The following MARCHF1 variants were observed in gnomAD, a reference collection of about 807,000 sequenced individuals.
The protein encoded by MARCHF1 is membrane associated ring-CH-type finger 1.
MARCHF1 carries 40 observed loss-of-function variants against 54.2 expected under a neutral mutation model. The ratio of observed to expected loss-of-function variants is 0.74; its 90% CI spans 0.57 to 0.96. The LOEUF (loss-of-function observed/expected upper bound fraction) is 0.96, where lower values mean the gene tolerates loss of function less well. MARCHF1 is among the 40% of genes least tolerant of loss of function. MARCHF1 has a pLI of 0.00. For synonymous variants in MARCHF1, 236 were observed against 236.3 expected, an observed-to-expected ratio of 1.00 and a Z score of 0.01; for missense variants, 586 against 656.5, an observed-to-expected ratio of 0.89 and a Z score of 1.17.
At chr4:163,573,295 CTTATTATTA>C (rs34017689) in intron 8 of MARCHF1, among the ~76,000 whole-genome samples, 5,781 of 144,320 alleles carry the variant, frequency 0.04, 331 homozygotes, top group African/African-American at 0.13. Flanking sequence ...TGCTTTTTCT[CTTATTATTA>C]TTATTATTAT....
At chr4:163,649,342 T>C (rs1742880906) in intron 5 of MARCHF1, among the ~76,000 whole-genome samples, 2 of 152,048 alleles carry the variant, frequency 1.3e-5, no homozygotes, top group East Asian at 3.9e-4. Context: ...CAGGAATGCC[T>C]AATGGTACAA....
chr4:163,683,982 A>ATCTC (rs144138838), intron 5 of MARCHF1, among the ~76,000 whole-genome samples: 1 of 151,370 alleles, frequency 6.6e-6, no homozygotes, highest in Non-Finnish European at 1.5e-5. Flanking sequence ...CTCCTTGGGC[A>ATCTC]TCTCTCTCTC....
At chr4:163,981,577 C>T (rs1455544014) in intron 3 of MARCHF1, among the ~76,000 whole-genome samples, 2 of 152,134 alleles carry the variant, frequency 1.3e-5, no homozygotes, top group Non-Finnish European at 2.9e-5. Flanking sequence ...GCAAGTGGCT[C>T]AGGGTGATAT....
At chr4:164,212,150 AAAC>A (rs769302467) in intron 1 of MARCHF1, among the ~76,000 whole-genome samples, 9 of 152,166 alleles carry the variant, frequency 5.9e-5, no homozygotes, top group Non-Finnish European at 1.0e-4. Flanking sequence ...GAAAGAATAG[AAAC>A]AACAACAAAA....
chr4:164,067,546 T>C (rs1433901714), intron 2 of MARCHF1, among the ~76,000 whole-genome samples: 1 of 152,196 alleles, frequency 6.6e-6, no homozygotes, highest in Admixed American at 6.5e-5. Context: ...AGAATGAAAC[T>C]GGATCCTTAC....
At chr4:163,980,045 G>A (rs2110864601) in intron 3 of MARCHF1, among the ~76,000 whole-genome samples, 1 of 151,052 alleles carries the variant, frequency 6.6e-6, no homozygotes, top group African/African-American at 2.4e-5. Flanking sequence ...CCAAAAAAGA[G>A]CCCGCATCGC....
intron 5 of MARCHF1, among the ~76,000 whole-genome samples, chr4:163,692,570 G>GTA (rs1744497379): frequency 6.6e-6 from 1 of 151,772 alleles, no homozygotes; most frequent in Non-Finnish European, 1.5e-5. Flanking sequence ...AGATACCACA[G>GTA]GGCTGGATTA....
intron 3 of MARCHF1, among the ~76,000 whole-genome samples, chr4:163,954,441 T>G (rs1055524444): frequency 1.3e-5 from 2 of 152,152 alleles, no homozygotes; most frequent in Non-Finnish European, 2.9e-5. Flanking sequence ...CATTTAGAGA[T>G]GCGTAAAAAC....
intron 1 of MARCHF1, among the ~76,000 whole-genome samples, chr4:164,276,397 T>G (rs1733880361): frequency 6.6e-6 from 1 of 152,122 alleles, no homozygotes; most frequent in Admixed American, 6.5e-5. Context: ...AAGATTAATC[T>G]GCCTCTCCTC....
At chr4:164,209,720 T>C (rs1307335380) in intron 1 of MARCHF1, among the ~76,000 whole-genome samples, 1 of 152,206 alleles carries the variant, frequency 6.6e-6, no homozygotes, top group Non-Finnish European at 1.5e-5. Flanking sequence ...CTTACTTGAA[T>C]CACTGGCTTT....
rs1445487725 is a variant in MARCHF1 at position 163,748,999 on chromosome 4, T to C, written c.112-48136A>G. On this transcript the variant is annotated intron_variant, in intron 4 of 9. Coordinates refer to ENST00000514618, the MANE Select transcript of MARCHF1 (RefSeq NM_001394959.1). Reference sequence around the variant, plus strand: ...TCAAGAGCTACATATGATTGCCTTTTCTAACAGGTGTTGGTAATATTCCTT... The same window carrying C: ...TCAAGAGCTACATATGATTGCCTTTCCTAACAGGTGTTGGTAATATTCCTT... Among the ~76,000 whole-genome samples the C allele has an allele frequency of 2.6e-5, 4 of 152,348 alleles. No individual in the cohort carries two copies. In the East Asian group the frequency reaches 7.7e-4, roughly 29 times the overall value.
intron 9 of MARCHF1, among the ~76,000 whole-genome samples, chr4:163,539,802 T>A (rs1227856235): frequency 6.6e-6 from 1 of 152,256 alleles, no homozygotes; most frequent in Non-Finnish European, 1.5e-5. Flanking sequence ...CAATTATGTA[T>A]ATTGTATTTG....
chr4:164,307,225 A>G (rs970090786), intron 1 of MARCHF1, among the ~76,000 whole-genome samples: 7 of 152,164 alleles, frequency 4.6e-5, no homozygotes, highest in Non-Finnish European at 8.8e-5. Context: ...AGAATAGGGG[A>G]AAACAGACTT....
intron 4 of MARCHF1, among the ~76,000 whole-genome samples, chr4:163,830,156 T>G (rs914431394): frequency 6.6e-6 from 1 of 152,132 alleles, no homozygotes; most frequent in Non-Finnish European, 1.5e-5. Context: ...CTTTAGCGTT[T>G]GAAGAATAAA....
At chr4:164,145,554 A>G (rs188907021) in intron 1 of MARCHF1, among the ~76,000 whole-genome samples, 1 of 152,328 alleles carries the variant, frequency 6.6e-6, no homozygotes, top group Non-Finnish European at 1.5e-5. Context: ...GCATATAAAC[A>G]GAAGCAAAGA....
rs1451804007 is a variant in MARCHF1 at position 163,574,339 on chromosome 4, T to C, written c.1191+11410A>G. On this transcript the variant is annotated intron_variant, in intron 8 of 9. Coordinates refer to ENST00000514618, the MANE Select transcript of MARCHF1 (RefSeq NM_001394959.1). ...TTTCATTAGATCCCATTTGTCAATTTTGGCTTTTGTTGCCATTGCTTTTGG... is the reference window on the plus strand; with the variant it reads ...TTTCATTAGATCCCATTTGTCAATTCTGGCTTTTGTTGCCATTGCTTTTGG... Among the ~76,000 whole-genome samples the C allele has an allele frequency of 2.0e-5, 3 of 152,236 alleles. No homozygotes were observed. In the East Asian group the frequency reaches 5.8e-4, roughly 29 times the overall value.
In MARCHF1 at chr4:163,887,013, C is replaced by T. The variant is rs1310354769; in HGVS notation, c.-38-32844G>A. ...TCTCTTGAGCTCTGGACCCCCATTT[C>T]CAACTTTCACTTGTGTTTTTGTAAG... On this transcript the variant is annotated intron_variant, in intron 3 of 9. Coordinates refer to ENST00000514618, the MANE Select transcript of MARCHF1 (RefSeq NM_001394959.1). Among the ~76,000 whole-genome samples, 17 of 152,238 alleles carry T rather than the reference C, an allele frequency of 1.1e-4. No individual in the cohort carries two copies. The South Asian group carries it at 3.5e-3, about 32-fold the overall frequency.
At chr4:164,218,002 G>C (rs1731981098) in intron 1 of MARCHF1, among the ~76,000 whole-genome samples, 1 of 151,934 alleles carries the variant, frequency 6.6e-6, no homozygotes. Context: ...AAAGGTCTTA[G>C]ACATTCTTTA....
chr4:164,227,051 T>TC (rs1302930885), intron 1 of MARCHF1, among the ~76,000 whole-genome samples: 9 of 152,114 alleles, frequency 5.9e-5, no homozygotes, highest in Non-Finnish European at 4.4e-5. Context: ...AATTTGTTAA[T>TC]AGTGATCCAA....
Sources: allele counts gnomAD v4.1 joint callset (sites outside exome capture counted in the v4.1 genomes callset), GRCh38; gene constraint gnomAD v4.1.1; transcripts MANE v1.5; gene names NCBI Gene and HGNC (gene_info 2026-07-23, HGNC 2026-07-21).